Variants in ZC3HAV1 observed in about 807,000 individuals in gnomAD.
ZC3HAV1 encodes zinc finger CCCH-type containing, antiviral 1.
Under a neutral mutation model 86.6 loss-of-function variants are expected in ZC3HAV1, and 41 were observed. The ratio of observed to expected loss-of-function variants is 0.47; its 90% CI spans 0.37 to 0.61. The LOEUF (loss-of-function observed/expected upper bound fraction) is 0.61. Ranked by LOEUF, ZC3HAV1 falls within the 20% of genes least tolerant of loss-of-function variation. ZC3HAV1 has a pLI of 0.00. For synonymous variants in ZC3HAV1, 421 were observed against 432.1 expected, an observed-to-expected ratio of 0.97 and a Z score of 0.32; for missense variants, 964 against 1,141.1, an observed-to-expected ratio of 0.84 and a Z score of 2.24.
Position 139,053,451 on chromosome 7 carries a change from C to A in ZC3HAV1, c.2449G>T (p.Gly817Ter). ...TACGCTTCTCTATCCCGGCACTAAC[C>A]TTTTCCGTATTTGTTTTCATGAGTT... ...HETHENKYGK[G>*]IYFAKDAIYS... The change falls in exon 12 of 13, where the codon GGA becomes TGA. Residue 817 changes from glycine (G) to a stop codon, truncating the protein, a stop_gained and splice_region_variant. Transcript: ENST00000242351. LOFTEE classifies it low-confidence loss of function (END_TRUNC). 6.3e-7 allele frequency: 1 copy of A among 1,586,786 alleles called. No individual in the cohort carries two copies. Among genetic ancestry groups the A allele is most frequent in the Non-Finnish European group, 8.6e-7 (1 of 1,168,672 alleles).
At chr7:139,066,067 A>C (rs186548704) in intron 7 of ZC3HAV1, among the ~76,000 whole-genome samples, 1 of 152,252 alleles carries the variant, frequency 6.6e-6, no homozygotes, top group African/African-American at 2.4e-5. Context: ...CACTGCCCTC[A>C]TTCCTCATTC....
chr7:139,069,575 T>C (rs2130690662), intron 7 of ZC3HAV1, among the ~76,000 whole-genome samples: 1 of 152,278 alleles, frequency 6.6e-6, no homozygotes, highest in Non-Finnish European at 1.5e-5. Flanking sequence ...AGCCCTGCTA[T>C]CACTCTACCC....
chr7:139,064,672 C>G (rs535558408), intron 8 of ZC3HAV1, among the ~76,000 whole-genome samples: 1 of 152,226 alleles, frequency 6.6e-6, no homozygotes, highest in Non-Finnish European at 1.5e-5. Flanking sequence ...CCAGGTGCCC[C>G]TCCTAGGGTG....
Position 139,079,732 on chromosome 7 carries a change from T to C in ZC3HAV1, c.1209A>G (p.Thr403=), listed in dbSNP as rs1391485527. The change falls in exon 4 of 13, where the codon ACA becomes ACG. Residue 403 remains threonine (T), a synonymous_variant. Transcript: ENST00000242351. ...TPEAVTTRKG[T]GLLSSDYRII... Reference sequence around the variant, plus strand: ...TCCTGTAGTCTGAGGAAAGCAAGCCTGTGCCCTTTCTGGTGGTCACAGCTT... The same window carrying C: ...TCCTGTAGTCTGAGGAAAGCAAGCCCGTGCCCTTTCTGGTGGTCACAGCTT... 6.2e-7 allele frequency: 1 copy of C among 1,614,118 alleles called. No homozygotes were observed. Among genetic ancestry groups the C allele is most frequent in the Non-Finnish European group, 8.5e-7 (1 of 1,180,048 alleles).
chr7:139,060,802 C>T (rs1414740432), intron 9 of ZC3HAV1: 3 of 1,388,606 alleles, frequency 2.2e-6, no homozygotes, highest in Non-Finnish European at 2.8e-6. Context: ...ATTTAGGAGA[C>T]TCGCTCAGAC....
intron 10 of ZC3HAV1, 115 bp downstream of exon 10, chr7:139,055,090 G>C (rs188668385): frequency 1.1e-6 from 1 of 923,948 alleles, no homozygotes; most frequent in African/African-American, 1.6e-5. Context: ...GCACCCAGCC[G>C]ATCTAAGAGT....
chr7:139,050,445 GC>G (rs1816090409), intron 12 of ZC3HAV1, among the ~76,000 whole-genome samples: 1 of 152,070 alleles, frequency 6.6e-6, no homozygotes, highest in African/African-American at 2.4e-5. Flanking sequence ...TCAGCTCACT[GC>G]AGCCTCCCCT....
At chr7:139,100,890 G>A (rs1269702423) in intron 1 of ZC3HAV1, among the ~76,000 whole-genome samples, 1 of 150,676 alleles carries the variant, frequency 6.6e-6, no homozygotes, top group Admixed American at 6.7e-5. Context: ...CCTCTGATGC[G>A]GAGCCGAGGC....
chr7:139,088,683 G>A (rs1817345698), intron 2 of ZC3HAV1, among the ~76,000 whole-genome samples: 1 of 152,188 alleles, frequency 6.6e-6, no homozygotes. Context: ...TTTCCATAAA[G>A]GATCAGATAG....
chr7:139,058,379 G>A (rs1009964729), intron 9 of ZC3HAV1, among the ~76,000 whole-genome samples: 3 of 149,936 alleles, frequency 2.0e-5, no homozygotes, highest in Non-Finnish European at 3.0e-5. Flanking sequence ...ACCCGAGTCC[G>A]AGAGGTTGAG....
intron 2 of ZC3HAV1, among the ~76,000 whole-genome samples, chr7:139,088,410 G>A (rs1283779575): frequency 2.0e-5 from 3 of 152,180 alleles, no homozygotes; most frequent in Non-Finnish European, 4.4e-5. Flanking sequence ...TTGAGCAGAT[G>A]TGCCATATAC....
chr7:139,073,799 T>C, intron 7 of ZC3HAV1, 57 bp downstream of exon 7: 3 of 1,519,358 alleles, frequency 2.0e-6, no homozygotes, highest in Non-Finnish European at 2.7e-6. Flanking sequence ...CCAACAGTGT[T>C]CTTTTTAAGT....
At chr7:139,051,086 T>G (rs905321212) in intron 12 of ZC3HAV1, among the ~76,000 whole-genome samples, 1 of 151,766 alleles carries the variant, frequency 6.6e-6, no homozygotes, top group Non-Finnish European at 1.5e-5. Flanking sequence ...TTTTTTTTTT[T>G]TTGAGACGGA....
chr7:139,070,325 T>C (rs1816731550), intron 7 of ZC3HAV1, among the ~76,000 whole-genome samples: 1 of 152,092 alleles, frequency 6.6e-6, no homozygotes, highest in South Asian at 2.1e-4. Flanking sequence ...AAATAAAAAC[T>C]CTACAGCTAA....
Position 139,109,270 on chromosome 7 carries a change from A to C in ZC3HAV1, c.62T>G (p.Met21Arg). 6.2e-7 allele frequency: 1 copy of C among 1,611,868 alleles called. No homozygotes were observed. The highest frequency in any genetic ancestry group is 8.5e-7 in the Non-Finnish European group (1 of 1,179,504). ...CTCCTGGAGCAGCGCGTCCAGGGCC[A>C]TGCGGCCCCCGTGGGCGCACAGGAT... is the stretch of plus-strand genomic sequence containing the variant. ...TKILCAHGGR[M>R]ALDALLQEIA... The change falls in exon 1 of 13, where the codon ATG becomes AGG. Residue 21 changes from methionine (M) to arginine (R), a missense_variant. Coordinates refer to ENST00000242351, the MANE Select transcript of ZC3HAV1 (RefSeq NM_020119.4).
At chr7:139,098,971 GA>G (rs1178136200) in intron 1 of ZC3HAV1, among the ~76,000 whole-genome samples, 1 of 152,132 alleles carries the variant, frequency 6.6e-6, no homozygotes, top group Admixed American at 6.6e-5. Flanking sequence ...TTAATGGATG[GA>G]AAAATATATC....
chr7:139,092,029 G>C (rs777262939), intron 1 of ZC3HAV1, among the ~76,000 whole-genome samples: 2 of 152,034 alleles, frequency 1.3e-5, no homozygotes, highest in Non-Finnish European at 1.5e-5. Flanking sequence ...GGGGAGGGGG[G>C]GTCTAGTTAA....
At chr7:139,077,391 G>A (rs1045680561) in intron 5 of ZC3HAV1, among the ~76,000 whole-genome samples, 4 of 152,112 alleles carry the variant, frequency 2.6e-5, no homozygotes, top group African/African-American at 7.2e-5. Context: ...TTACAGGCAT[G>A]TGCCACCACG....
intron 8 of ZC3HAV1, 114 bp from the exon 9 acceptor site, chr7:139,061,252 T>A: frequency 1.1e-6 from 1 of 942,834 alleles, no homozygotes; most frequent in Admixed American, 2.7e-5. Flanking sequence ...CTGACCTGTA[T>A]GTATACGAAT....
Sources: gnomAD v4.1 joint callset for allele counts (sites outside exome capture counted in the v4.1 genomes callset) on GRCh38, gnomAD v4.1.1 for gene constraint, MANE v1.5 for transcripts, NCBI Gene and HGNC (gene_info 2026-07-23, HGNC 2026-07-21) for gene names.